The following MAD1L1 variants were observed in gnomAD, a reference collection of about 807,000 sequenced individuals.
The protein encoded by MAD1L1 is mitotic arrest deficient 1 like 1.
Under a neutral mutation model 96.9 loss-of-function variants are expected in MAD1L1, and 95 were observed. The observed-to-expected ratio is 0.98, with a 90% confidence interval of 0.83 to 1.16. MAD1L1 has a LOEUF of 1.16. MAD1L1 is among the 50% of genes most tolerant of loss of function. The probability of loss-of-function intolerance (pLI) is 0.00; values close to 1 mark genes in which losing one functional copy is unlikely to be tolerated. For synonymous variants in MAD1L1, 473 were observed against 396.6 expected, an observed-to-expected ratio of 1.19 and a Z score of -2.29; for missense variants, 1,007 against 954.4, an observed-to-expected ratio of 1.06 and a Z score of -0.73.
At chr7:1,873,351 CAA>C (rs2128658233) in intron 18 of MAD1L1, among the ~76,000 whole-genome samples, 1 of 151,404 alleles carries the variant, frequency 6.6e-6, no homozygotes, top group South Asian at 2.1e-4. Flanking sequence ...GTAATTACAG[CAA>C]GAGGGTGGGA....
At chr7:1,820,517 T>C (rs1782067781) in intron 18 of MAD1L1, among the ~76,000 whole-genome samples, 2 of 152,100 alleles carry the variant, frequency 1.3e-5, no homozygotes, top group South Asian at 2.1e-4. Flanking sequence ...CTGTAATCTT[T>C]GCACTTTGGG....
chr7:2,126,741 G>T (rs1435828141), intron 11 of MAD1L1, among the ~76,000 whole-genome samples: 1 of 152,176 alleles, frequency 6.6e-6, no homozygotes, highest in East Asian at 1.9e-4. Context: ...AGGAAGCAGA[G>T]TGACCGCTGG....
intron 11 of MAD1L1, among the ~76,000 whole-genome samples, chr7:2,111,410 A>G (rs1787373606): frequency 6.6e-6 from 1 of 152,254 alleles, no homozygotes; most frequent in Admixed American, 6.5e-5. Flanking sequence ...CTAGTCAAGG[A>G]GCGTGCCTCG....
At chr7:1,892,578 G>T (rs149203791) in intron 18 of MAD1L1, among the ~76,000 whole-genome samples, 2 of 152,204 alleles carry the variant, frequency 1.3e-5, no homozygotes, top group East Asian at 3.8e-4. Flanking sequence ...TTGAGTGACA[G>T]ACCCACAATA....
At chr7:2,025,049 T>C (rs1182511187) in intron 12 of MAD1L1, among the ~76,000 whole-genome samples, 1 of 152,234 alleles carries the variant, frequency 6.6e-6, no homozygotes, top group Non-Finnish European at 1.5e-5. Flanking sequence ...TTAAAAATAA[T>C]GTGTCAGTAC....
intron 12 of MAD1L1, among the ~76,000 whole-genome samples, chr7:2,029,950 CCCTA>C (rs1783147400): frequency 6.6e-6 from 1 of 152,184 alleles, no homozygotes; most frequent in South Asian, 2.1e-4. Flanking sequence ...ACAAGATCAT[CCCTA>C]GCGCCCAGAC....
rs569060621 is a variant in MAD1L1 at position 2,089,524 on chromosome 7, GT to G, written c.1074-20187del. ...AACCTTTTTGTATTTCCAGTTTCAG[GT>G]ATGTATCAGCAGCATGAAAACAGAC... On this transcript the variant is annotated intron_variant, in intron 11 of 18. Transcript: ENST00000265854. Among the ~76,000 whole-genome samples, 775 of 152,298 alleles carry G rather than the reference GT, an allele frequency of 5.1e-3. 2 individuals carry two copies. The highest frequency in any genetic ancestry group is 8.9e-3 in the Non-Finnish European group (605 of 68,032).
intron 18 of MAD1L1, among the ~76,000 whole-genome samples, chr7:1,850,905 G>T (rs927573200): frequency 6.6e-6 from 1 of 152,192 alleles, no homozygotes; most frequent in African/African-American, 2.4e-5. Flanking sequence ...CCCCGTGTGG[G>T]ACCCCCATAG....
intron 18 of MAD1L1, among the ~76,000 whole-genome samples, chr7:1,850,549 C>T (rs769890927): frequency 3.9e-5 from 6 of 152,222 alleles, no homozygotes; most frequent in Admixed American, 6.5e-5. Context: ...CTCACTGCCC[C>T]GAGCCTGTGC....
chr7:2,097,894 C>T (rs543613770), intron 11 of MAD1L1, among the ~76,000 whole-genome samples: 6 of 152,324 alleles, frequency 3.9e-5, no homozygotes, highest in East Asian at 1.9e-4. Flanking sequence ...GGACGAGGGC[C>T]GGGAAAGCAG....
chr7:1,834,503 T>C (rs1439711201), intron 18 of MAD1L1, among the ~76,000 whole-genome samples: 1 of 152,236 alleles, frequency 6.6e-6, no homozygotes, highest in Non-Finnish European at 1.5e-5. Context: ...TGAACAACTT[T>C]ATGCCAATAC....
At chr7:1,985,312 G>A (rs758891721) in intron 14 of MAD1L1, among the ~76,000 whole-genome samples, 1 of 152,236 alleles carries the variant, frequency 6.6e-6, no homozygotes, top group African/African-American at 2.4e-5. Context: ...CCCGTTTTCC[G>A]CCCAGGACTG....
intron 15 of MAD1L1, among the ~76,000 whole-genome samples, chr7:1,962,617 T>C (rs1779998784): frequency 6.6e-6 from 1 of 151,758 alleles, no homozygotes; most frequent in Admixed American, 6.6e-5. Context: ...GTAAGAAAAA[T>C]AATCAAATTT....
At chr7:1,854,507 C>T in intron 18 of MAD1L1, 1 of 390,960 alleles carries the variant, frequency 2.6e-6, no homozygotes, top group Non-Finnish European at 5.1e-6. Flanking sequence ...TTCTCACTGT[C>T]TGTCACACGG....
At chr7:1,914,808 T>A (rs184288081) in intron 17 of MAD1L1, among the ~76,000 whole-genome samples, 41 of 151,808 alleles carry the variant, frequency 2.7e-4, no homozygotes, top group African/African-American at 9.9e-4. Context: ...ATAAATAGGG[T>A]CTTGCTATGC....
chr7:1,915,324 G>C (rs76668055), intron 17 of MAD1L1, among the ~76,000 whole-genome samples: 2 of 152,312 alleles, frequency 1.3e-5, no homozygotes, highest in African/African-American at 4.8e-5. Context: ...GGAGATGGGA[G>C]GGGGAGGGCT....
At chr7:1,838,214 T>C (rs796570641) in intron 18 of MAD1L1, among the ~76,000 whole-genome samples, 7 of 152,274 alleles carry the variant, frequency 4.6e-5, no homozygotes, top group African/African-American at 1.7e-4. Flanking sequence ...AAAAGCATCA[T>C]AAAAGCAGAC....
intron 10 of MAD1L1, among the ~76,000 whole-genome samples, chr7:2,208,498 G>A (rs1397466145): frequency 1.8e-4 from 27 of 152,278 alleles, no homozygotes; most frequent in Admixed American, 1.6e-3. Flanking sequence ...GATGCAGTCC[G>A]TCCACCTTGT....
intron 18 of MAD1L1, among the ~76,000 whole-genome samples, chr7:1,856,185 C>T (rs868859939): frequency 5.9e-5 from 9 of 152,248 alleles, no homozygotes; most frequent in Admixed American, 1.3e-4. Context: ...CTGCTTCTGA[C>T]GCCTCTCCAC....
Sources: allele counts gnomAD v4.1 joint callset (sites outside exome capture counted in the v4.1 genomes callset), GRCh38; gene constraint gnomAD v4.1.1; transcripts MANE v1.5; gene names NCBI Gene and HGNC (gene_info 2026-07-23, HGNC 2026-07-21).